PPARGC1A: variants seen among roughly 807,000 people sequenced by gnomAD.
PPARGC1A encodes peroxisome proliferator-activated receptor gamma coactivator 1-alpha.
A neutral mutation model predicts 88.7 loss-of-function variants in PPARGC1A; 25 were observed. The ratio of observed to expected loss-of-function variants is 0.28; its 90% CI spans 0.21 to 0.39. The LOEUF (loss-of-function observed/expected upper bound fraction) is 0.39, where lower values mean the gene tolerates loss of function less well. Among genes scored for constraint, PPARGC1A ranks in the 10% least tolerant of loss-of-function variants. The pLI, the probability that PPARGC1A is intolerant of heterozygous loss-of-function variation, is 1.00. For synonymous variants in PPARGC1A, 363 were observed against 355.6 expected, an observed-to-expected ratio of 1.02 and a Z score of -0.24; for missense variants, 880 against 968.7, an observed-to-expected ratio of 0.91 and a Z score of 1.22.
rs893979390 is a variant in PPARGC1A at position 23,795,778 on chromosome 4, T to C, written c.*44A>G. 8 of 1,438,056 alleles carry C rather than the reference T, an allele frequency of 5.6e-6. No individual in the cohort carries two copies. The highest frequency in any genetic ancestry group is 1.4e-5 in the African/African-American group (1 of 69,826). The allele number at this position is 1,438,056 out of a possible 1,614,324, so 89.1% of individuals were successfully genotyped here. On this transcript the variant is annotated 3_prime_UTR_variant, in exon 13 of 13. Coordinates refer to ENST00000264867, the MANE Select transcript of PPARGC1A (RefSeq NM_013261.5). ...CTTTAGGGAAGGACGCGCTGTCCCA[T>C]GAGGTATTCGCCATCCCTCTGTCAT...
At chr4:24,105,297 C>T in the PPARGC1A span, among the ~76,000 whole-genome samples, 1 of 152,158 alleles carries the variant, frequency 6.6e-6, no homozygotes. Flanking sequence ...AAATACACAA[C>T]CTTGAAAAAG....
chr4:24,075,082 A>G, the PPARGC1A span, among the ~76,000 whole-genome samples: 4 of 152,168 alleles, frequency 2.6e-5, no homozygotes, highest in Non-Finnish European at 4.4e-5. Flanking sequence ...AGGGGAGAAG[A>G]AAAATTCTAC....
chr4:24,382,894 C>T, the PPARGC1A span, among the ~76,000 whole-genome samples: 1 of 152,180 alleles, frequency 6.6e-6, no homozygotes, highest in African/African-American at 2.4e-5. Context: ...TGCTAAGGGA[C>T]AGACTGCCTC....
the PPARGC1A span, among the ~76,000 whole-genome samples, chr4:24,371,913 T>TG: frequency 6.6e-6 from 1 of 151,812 alleles, no homozygotes; most frequent in Non-Finnish European, 1.5e-5. Context: ...ATCATGCCAC[T>TG]GCACTCCAGC....
At chr4:24,021,803 T>C in the PPARGC1A span, among the ~76,000 whole-genome samples, 21 of 152,266 alleles carry the variant, frequency 1.4e-4, no homozygotes, top group South Asian at 2.5e-3. Context: ...AAGCATCAGA[T>C]GTGTTCAATG....
chr4:23,907,438 T>C (rs530155690), upstream of PPARGC1A, among the ~76,000 whole-genome samples: 18 of 152,322 alleles, frequency 1.2e-4, no homozygotes, highest in South Asian at 3.1e-3. Context: ...CAAAGCAGAA[T>C]TAGAACTCAG....
At chr4:24,044,826 T>G in the PPARGC1A span, among the ~76,000 whole-genome samples, 1 of 152,120 alleles carries the variant, frequency 6.6e-6, no homozygotes, top group Non-Finnish European at 1.5e-5. Flanking sequence ...AAAGAAACAT[T>G]TTAAGTGGGC....
At chr4:24,422,344 C>T in the PPARGC1A span, among the ~76,000 whole-genome samples, 2 of 152,158 alleles carry the variant, frequency 1.3e-5, no homozygotes, top group African/African-American at 2.4e-5. Flanking sequence ...AAAGCTAGAA[C>T]GTTGAAAGTC....
At chr4:24,367,069 G>A in the PPARGC1A span, among the ~76,000 whole-genome samples, 1 of 152,158 alleles carries the variant, frequency 6.6e-6, no homozygotes, top group Non-Finnish European at 1.5e-5. Context: ...GGATAAAATT[G>A]TTCAAATGTG....
chr4:23,962,810 C>T, the PPARGC1A span, among the ~76,000 whole-genome samples: 5 of 152,126 alleles, frequency 3.3e-5, no homozygotes, highest in Admixed American at 1.3e-4. Context: ...TTGTCTCCTA[C>T]TCTTACCTGA....
chr4:24,091,373 A>C, the PPARGC1A span: 1 of 901,148 alleles, frequency 1.1e-6, no homozygotes, highest in South Asian at 5.1e-5. Flanking sequence ...CAGATAGCAC[A>C]GTTCCACAAA....
At chr4:23,965,800 G>A in the PPARGC1A span, among the ~76,000 whole-genome samples, 2 of 152,162 alleles carry the variant, frequency 1.3e-5, no homozygotes, top group African/African-American at 2.4e-5. Flanking sequence ...GCCTGACTGC[G>A]ACAACTAATT....
chr4:23,906,819 G>A (rs1042956218), upstream of PPARGC1A, among the ~76,000 whole-genome samples: 1 of 152,026 alleles, frequency 6.6e-6, no homozygotes, highest in Non-Finnish European at 1.5e-5. Flanking sequence ...CATGGATTAA[G>A]GTCACTCAAA....
chr4:23,853,902 A>G, intron 2 of PPARGC1A, among the ~76,000 whole-genome samples: 1 of 152,182 alleles, frequency 6.6e-6, no homozygotes, highest in Non-Finnish European at 1.5e-5. Flanking sequence ...AATTACTAGG[A>G]TTGGGGACCT....
chr4:24,331,385 C>A, the PPARGC1A span, among the ~76,000 whole-genome samples: 17 of 152,238 alleles, frequency 1.1e-4, no homozygotes, highest in South Asian at 6.2e-4. Context: ...TCTAAAGGAG[C>A]CACGCCTCCC....
chr4:24,228,811 G>A, the PPARGC1A span, among the ~76,000 whole-genome samples: 1 of 152,150 alleles, frequency 6.6e-6, no homozygotes, highest in Admixed American at 6.5e-5. Flanking sequence ...GCTGTAACTT[G>A]TTCTTGTTAT....
the PPARGC1A span, among the ~76,000 whole-genome samples, chr4:24,372,038 G>A: frequency 2.0e-5 from 3 of 152,072 alleles, no homozygotes; most frequent in Admixed American, 1.3e-4. Flanking sequence ...AAGGGACACT[G>A]ATAAAGTTTC....
At chr4:24,339,782 A>G in the PPARGC1A span, among the ~76,000 whole-genome samples, 1 of 152,322 alleles carries the variant, frequency 6.6e-6, no homozygotes, top group East Asian at 1.9e-4. Context: ...TCTGTCGTCC[A>G]GGCTGGAGTG....
At chr4:23,846,680 ACT>A (rs1728382634) in intron 2 of PPARGC1A, among the ~76,000 whole-genome samples, 2 of 152,084 alleles carry the variant, frequency 1.3e-5, no homozygotes, top group African/African-American at 4.8e-5. Context: ...TGTGTCGGAC[ACT>A]CTTGACACTG....
Sources: gnomAD v4.1 joint callset for allele counts (sites outside exome capture counted in the v4.1 genomes callset) on GRCh38, gnomAD v4.1.1 for gene constraint, MANE v1.5 for transcripts, NCBI Gene and HGNC (gene_info 2026-07-23, HGNC 2026-07-21) for gene names.